Variants in TENM2 observed in about 807,000 individuals in gnomAD.
TENM2 encodes teneurin-2.
A neutral mutation model predicts 245.2 loss-of-function variants in TENM2; 52 were observed. The ratio of observed to expected loss-of-function variants is 0.21; its 90% CI spans 0.17 to 0.27. The LOEUF (loss-of-function observed/expected upper bound fraction) is 0.27. Among genes scored for constraint, TENM2 ranks in the 10% least tolerant of loss-of-function variants. The probability of loss-of-function intolerance (pLI) is 1.00; values close to 1 mark genes in which losing one functional copy is unlikely to be tolerated. For synonymous variants in TENM2, 1,363 were observed against 1,438.9 expected (o/e 0.95, Z 1.19); for missense variants, 3,046 against 3,666.8 (o/e 0.83, Z 4.37).
At chr5:167,770,316 G>T (rs564342381) in intron 2 of TENM2, among the ~76,000 whole-genome samples, 1 of 152,206 alleles carries the variant, frequency 6.6e-6, no homozygotes, top group Non-Finnish European at 1.5e-5. Context: ...TGACTCTATG[G>T]CAAGTTAGAC....
At chr5:168,038,813 TGGAGATCCAGGATAG>T (rs1340808182) in intron 5 of TENM2, among the ~76,000 whole-genome samples, 1 of 151,644 alleles carries the variant, frequency 6.6e-6, no homozygotes, top group African/African-American at 2.4e-5. Flanking sequence ...AGTTTCAGGA[TGGAGATCCAGGATAG>T]GGAGATCCTT....
the TENM2 span, among the ~76,000 whole-genome samples, chr5:167,078,783 T>C: frequency 3.3e-5 from 5 of 152,264 alleles, no homozygotes; most frequent in East Asian, 9.7e-4. Context: ...AGACATCTTA[T>C]TGAATATAAA....
At chr5:167,596,667 G>A (rs1442967482) in intron 2 of TENM2, among the ~76,000 whole-genome samples, 2 of 151,638 alleles carry the variant, frequency 1.3e-5, no homozygotes, top group East Asian at 3.9e-4. Context: ...GTGGTGGCAG[G>A]CGCCTGTAGT....
chr5:167,431,963 A>G lies in TENM2; in HGVS notation c.502+56490A>G, dbSNP rs544411602. On this transcript the variant is annotated intron_variant, in intron 2 of 28. Coordinates refer to ENST00000518659, the Ensembl canonical transcript of TENM2. ...TACATATATATGTATATATATATGTATATATATATATATATGGAAGTTCAA... is the reference window on the plus strand; with the variant it reads ...TACATATATATGTATATATATATGTGTATATATATATATATGGAAGTTCAA... Among the ~76,000 whole-genome samples the G allele has an allele frequency of 1.4e-3, 187 of 137,162 alleles. 3 individuals carry two copies. Among genetic ancestry groups the G allele is most frequent in the African/African-American group, 4.7e-3 (162 of 34,532 alleles). The allele number at this position is 137,162 out of a possible 152,430, so 90.0% of individuals were successfully genotyped here.
At chr5:167,549,891 A>T (rs1772818111) in intron 2 of TENM2, among the ~76,000 whole-genome samples, 2 of 152,090 alleles carry the variant, frequency 1.3e-5, no homozygotes, top group South Asian at 4.1e-4. Context: ...AGGTGTTAGC[A>T]TCTTCCCTGA....
At chr5:167,378,864 C>CTA in intron 2 of TENM2, among the ~76,000 whole-genome samples, 1 of 136,198 alleles carries the variant, frequency 7.3e-6, no homozygotes, top group South Asian at 2.3e-4. Flanking sequence ...TAAAAATTTC[C>CTA]TTTTTTTTTT....
the TENM2 span, among the ~76,000 whole-genome samples, chr5:167,241,680 A>G: frequency 6.6e-6 from 1 of 152,194 alleles, no homozygotes; most frequent in African/African-American, 2.4e-5. Context: ...ACTGAAGAGC[A>G]ATTGTTGGAT....
chr5:167,532,304 TCTC>T (rs1562032122), intron 2 of TENM2, among the ~76,000 whole-genome samples: 87 of 150,304 alleles, frequency 5.8e-4, no homozygotes, highest in African/African-American at 2.0e-3. Context: ...TCTCTCTCTC[TCTC>T]TTTTTATATA....
At chr5:167,700,509 G>A (rs947764577) in intron 2 of TENM2, among the ~76,000 whole-genome samples, 2 of 152,128 alleles carry the variant, frequency 1.3e-5, no homozygotes, top group Non-Finnish European at 2.9e-5. Flanking sequence ...ATTGTTAAAC[G>A]TTTAATGGTT....
intron 2 of TENM2, among the ~76,000 whole-genome samples, chr5:167,641,311 G>T (rs1334876111): frequency 6.6e-6 from 1 of 152,046 alleles, no homozygotes; most frequent in Non-Finnish European, 1.5e-5. Flanking sequence ...ACGGGGAGTA[G>T]TTATCTATAA....
At chr5:168,131,023 C>T (rs1754528789) in intron 12 of TENM2, among the ~76,000 whole-genome samples, 1 of 152,156 alleles carries the variant, frequency 6.6e-6, no homozygotes, top group African/African-American at 2.4e-5. Context: ...AGATCAGCGT[C>T]TCATGAAGAG....
At chr5:167,064,717 C>G in the TENM2 span, among the ~76,000 whole-genome samples, 5 of 152,178 alleles carry the variant, frequency 3.3e-5, no homozygotes, top group Non-Finnish European at 5.9e-5. Flanking sequence ...CTTGAAGTAT[C>G]CTTACAGTTA....
chr5:167,874,829 G>A (rs1454236375), intron 2 of TENM2, among the ~76,000 whole-genome samples: 2 of 152,184 alleles, frequency 1.3e-5, no homozygotes, highest in Non-Finnish European at 2.9e-5. Context: ...ATGTCACTGA[G>A]CACCTTCTGC....
At chr5:168,084,913 T>C (rs751122304) in intron 7 of TENM2, among the ~76,000 whole-genome samples, 2 of 152,200 alleles carry the variant, frequency 1.3e-5, no homozygotes, top group Non-Finnish European at 2.9e-5. Flanking sequence ...CTCCTTCTTA[T>C]CCGCTCAGTG....
intron 2 of TENM2, among the ~76,000 whole-genome samples, chr5:167,510,351 T>C (rs1769855732): frequency 1.3e-5 from 2 of 152,188 alleles, no homozygotes; most frequent in South Asian, 2.1e-4. Flanking sequence ...TGTGACCATT[T>C]TGGTGGCATT....
intron 2 of TENM2, among the ~76,000 whole-genome samples, chr5:167,602,487 G>A (rs1329022648): frequency 6.6e-6 from 1 of 152,144 alleles, no homozygotes; most frequent in Admixed American, 6.6e-5. Flanking sequence ...ATCAATTTCT[G>A]CTGAAGATTG....
At chr5:167,299,571 G>A (rs920747481) in intron 1 of TENM2, among the ~76,000 whole-genome samples, 13 of 151,970 alleles carry the variant, frequency 8.6e-5, no homozygotes, top group African/African-American at 3.1e-4. Flanking sequence ...AGATTTCCAC[G>A]ATGGAAAGGA....
chr5:168,203,817 C>G (rs1165773591), exon 18 of TENM2: 1 of 1,611,776 alleles, frequency 6.2e-7, no homozygotes, highest in African/African-American at 1.3e-5. Flanking sequence ...ACACCACATC[C>G]TCAATGTTAA....
chr5:167,288,442 C>G (rs1754423940), intron 1 of TENM2, among the ~76,000 whole-genome samples: 2 of 151,840 alleles, frequency 1.3e-5, no homozygotes. Flanking sequence ...GCCTGTAGTC[C>G]CAGCTACTCA....
Sources: allele counts gnomAD v4.1 joint callset (sites outside exome capture counted in the v4.1 genomes callset), GRCh38; gene constraint gnomAD v4.1.1; transcripts MANE v1.5; gene names NCBI Gene and HGNC (gene_info 2026-07-23, HGNC 2026-07-21).